The following EIF4E variants were observed in gnomAD, a reference collection of about 807,000 sequenced individuals.
The protein encoded by EIF4E is eIF-4F 25 kDa subunit.
For synonymous variants in EIF4E, 71 were observed against 88.5 expected (o/e 0.80, Z 1.11); for missense variants, 113 against 265.6 (o/e 0.43, Z 3.99).
chr4:98,917,878 C>T (rs187953144), intron 1 of EIF4E, among the ~76,000 whole-genome samples: 9 of 152,180 alleles, frequency 5.9e-5, no homozygotes, highest in Admixed American at 2.6e-4. Context: ...GAGTTTGAGA[C>T]CAGCCTGGCC....
At chr4:98,882,396 CAAA>C (rs33922454) in intron 6 of EIF4E, among the ~76,000 whole-genome samples, 5 of 85,188 alleles carry the variant, frequency 5.9e-5, no homozygotes, top group Non-Finnish European at 4.7e-5. Context: ...GACTCCGTCT[CAAA>C]AAAAAAAAAA....
chr4:98,917,400 C>T (rs1725434635), intron 1 of EIF4E, among the ~76,000 whole-genome samples: 1 of 151,976 alleles, frequency 6.6e-6, no homozygotes, highest in Admixed American at 6.6e-5. Flanking sequence ...CTATGTTTCC[C>T]AGGACATGTC....
At position 98,929,081 on chromosome 4, in the gene EIF4E, A is replaced by C; in HGVS notation, c.18+14T>G. The C allele has an allele frequency of 6.3e-7, 1 of 1,582,988 alleles. No homozygotes were observed. The highest frequency in any genetic ancestry group is 1.2e-5 in the South Asian group (1 of 86,830). ...CGGGGACCCGTGGGGGTGGGGGCCA[A>C]AGGCAATACTCACCGGTTCGACAGT... On this transcript the variant is annotated intron_variant, in intron 1 of 6. Transcript: ENST00000450253.
chr4:98,922,007 C>T (rs780726679), intron 1 of EIF4E, among the ~76,000 whole-genome samples: 4 of 152,178 alleles, frequency 2.6e-5, no homozygotes, highest in Non-Finnish European at 5.9e-5. Context: ...TGTAATATAA[C>T]AGGGCCTAAA....
At chr4:98,927,731 C>T (rs1043839654) in intron 1 of EIF4E, among the ~76,000 whole-genome samples, 1 of 142,712 alleles carries the variant, frequency 7.0e-6, no homozygotes, top group Non-Finnish European at 1.5e-5. Flanking sequence ...AGCAAAACCA[C>T]AAGCTACCAT....
chr4:98,899,054 T>TA (rs545359007), intron 2 of EIF4E, among the ~76,000 whole-genome samples: 1,731 of 138,174 alleles, frequency 0.013, 28 homozygotes, highest in African/African-American at 0.035. Flanking sequence ...TAAAGACCTC[T>TA]AAAAAAAAAA....
intron 2 of EIF4E, chr4:98,895,552 T>C (rs1221949590): frequency 2.6e-5 from 4 of 152,210 alleles, no homozygotes; most frequent in African/African-American, 7.2e-5. Context: ...AATTAATGCT[T>C]GGTAACTTCA....
chr4:98,902,743 C>A (rs1355712935), intron 1 of EIF4E, among the ~76,000 whole-genome samples: 1 of 152,064 alleles, frequency 6.6e-6, no homozygotes, highest in Non-Finnish European at 1.5e-5. Context: ...TCTCTACAAT[C>A]CCAGCTACTC....
chr4:98,916,019 C>T (rs113824085), intron 1 of EIF4E, among the ~76,000 whole-genome samples: 7 of 150,890 alleles, frequency 4.6e-5, no homozygotes, highest in African/African-American at 1.7e-4. Flanking sequence ...GGTGAAAACT[C>T]GTCTCTACTA....
intron 2 of EIF4E, 111 bp downstream of exon 2, chr4:98,901,765 A>T: frequency 9.8e-7 from 1 of 1,016,722 alleles, no homozygotes; most frequent in Non-Finnish European, 1.6e-6. Context: ...AGAACCCTCA[A>T]CCTTAGCATA....
At chr4:98,895,599 T>C (rs1724346289) in intron 2 of EIF4E, 1 of 152,246 alleles carries the variant, frequency 6.6e-6, no homozygotes, top group Non-Finnish European at 1.5e-5. Flanking sequence ...CAACATGTAC[T>C]TGATAATTTG....
At chr4:98,916,205 C>T (rs1363839133) in intron 1 of EIF4E, among the ~76,000 whole-genome samples, 2 of 146,998 alleles carry the variant, frequency 1.4e-5, no homozygotes, top group Non-Finnish European at 3.0e-5. Context: ...AAAAAGTCTA[C>T]GTACTTCCTC....
chr4:98,912,055 C>T (rs1725167201), intron 1 of EIF4E, among the ~76,000 whole-genome samples: 1 of 151,648 alleles, frequency 6.6e-6, no homozygotes, highest in Admixed American at 6.6e-5. Context: ...GAGTTCAAGA[C>T]CCACATGACT....
chr4:98,918,682 T>A (rs1250396017), intron 1 of EIF4E, among the ~76,000 whole-genome samples: 2 of 152,078 alleles, frequency 1.3e-5, no homozygotes, highest in African/African-American at 4.8e-5. Flanking sequence ...AATATAGAAA[T>A]AATTATGTTA....
intron 1 of EIF4E, among the ~76,000 whole-genome samples, chr4:98,921,494 A>C (rs1347774537): frequency 6.6e-6 from 1 of 151,946 alleles, no homozygotes; most frequent in African/African-American, 2.4e-5. Flanking sequence ...TCAGTCTCCC[A>C]AGTAGCTAGG....
intron 1 of EIF4E, among the ~76,000 whole-genome samples, chr4:98,912,176 C>T (rs1052114864): frequency 4.0e-5 from 6 of 148,162 alleles, no homozygotes; most frequent in Admixed American, 1.4e-4. Context: ...CACTTGAACC[C>T]GGGAGAGGGA....
intron 1 of EIF4E, among the ~76,000 whole-genome samples, chr4:98,928,645 T>G (rs888756979): frequency 6.6e-6 from 1 of 152,020 alleles, no homozygotes; most frequent in Admixed American, 6.5e-5. Context: ...GCTGGGGTTC[T>G]GCAGGGAGGG....
rs183376803 is a variant in EIF4E, at chr4:98,888,854, G to C, written c.222-902C>G. Among the ~76,000 whole-genome samples, 98 of 152,148 alleles carry C rather than the reference G, an allele frequency of 6.4e-4. 1 individual carries two copies. Among genetic ancestry groups the C allele is most frequent in the African/African-American group, 2.1e-3 (88 of 41,520 alleles). ...CCTGGTGCTATGTTAACCCCATCTA[G>C]GAATATTTCAGGTAAAGATTTAAGG... On this transcript the variant is annotated intron_variant, in intron 3 of 6. Coordinates refer to ENST00000450253, the MANE Select transcript of EIF4E (RefSeq NM_001968.5).
chr4:98,896,211 A>G (rs1231834931), intron 2 of EIF4E, among the ~76,000 whole-genome samples: 1 of 151,676 alleles, frequency 6.6e-6, no homozygotes, highest in South Asian at 2.1e-4. Context: ...AATAAAATAA[A>G]ATAAAATAAA....
Sources: gnomAD v4.1 joint callset for allele counts (sites outside exome capture counted in the v4.1 genomes callset) on GRCh38, gnomAD v4.1.1 for gene constraint, MANE v1.5 for transcripts, NCBI Gene and HGNC (gene_info 2026-07-23, HGNC 2026-07-21) for gene names.